Variants in CRB1 observed in about 807,000 individuals in gnomAD.
The protein encoded by CRB1 is crumbs cell polarity complex component 1.
A neutral mutation model predicts 120.0 loss-of-function variants in CRB1; 83 were observed. That is an observed-to-expected ratio of 0.69 (90% CI 0.58 to 0.83). CRB1 has a LOEUF of 0.83. CRB1 is among the 40% of genes least tolerant of loss of function. CRB1 has a pLI of 0.00. For synonymous variants in CRB1, 625 were observed against 612.5 expected, an observed-to-expected ratio of 1.02 and a Z score of -0.30; for missense variants, 1,699 against 1,687.6, an observed-to-expected ratio of 1.01 and a Z score of -0.12.
chr1:197,235,601 T>C, the CRB1 span, among the ~76,000 whole-genome samples: 1 of 152,124 alleles, frequency 6.6e-6, no homozygotes, highest in Non-Finnish European at 1.5e-5. Flanking sequence ...TAATCAGCCA[T>C]CAGCGAAACC....
the CRB1 span, among the ~76,000 whole-genome samples, chr1:197,205,330 C>T: frequency 6.6e-6 from 1 of 152,068 alleles, no homozygotes; most frequent in African/African-American, 2.4e-5. Flanking sequence ...TGTTCCAGTT[C>T]TCAGGGGGAA....
chr1:197,399,120 A>G (rs1169021012), intron 5 of CRB1, among the ~76,000 whole-genome samples: 1 of 152,034 alleles, frequency 6.6e-6, no homozygotes, highest in East Asian at 1.9e-4. Context: ...GATGCCATCT[A>G]CTTGAGGAAA....
At chr1:197,342,446 A>G (rs1405687413) in intron 2 of CRB1, among the ~76,000 whole-genome samples, 1 of 152,026 alleles carries the variant, frequency 6.6e-6, no homozygotes, top group South Asian at 2.1e-4. Flanking sequence ...GGAAAGCCCC[A>G]TTTTCTACCT....
At chr1:197,286,104 A>G (rs976896848) in intron 1 of CRB1, among the ~76,000 whole-genome samples, 2 of 151,866 alleles carry the variant, frequency 1.3e-5, no homozygotes, top group African/African-American at 4.8e-5. Flanking sequence ...TAAAGGAAGG[A>G]AAAGCTAATT....
At chr1:197,463,581 G>A (rs1001588331) in intron 11 of CRB1, among the ~76,000 whole-genome samples, 3 of 152,144 alleles carry the variant, frequency 2.0e-5, no homozygotes, top group Non-Finnish European at 4.4e-5. Context: ...GCAGCTGTGC[G>A]TAATTAAACA....
At chr1:197,342,027 G>A (rs1231128118) in intron 2 of CRB1, among the ~76,000 whole-genome samples, 2 of 152,132 alleles carry the variant, frequency 1.3e-5, no homozygotes, top group Non-Finnish European at 2.9e-5. Flanking sequence ...CAAACAGTCT[G>A]GTATGACATA....
In CRB1 at chr1:197,453,793, A is replaced by C. The variant is rs531999543; in HGVS notation, c.4005+11501A>C. On this transcript the variant is annotated intron_variant, in intron 11 of 11. Transcript: ENST00000367400. ...TCTTATTATTATTATTATATTATTAATATATTAATAATAATATATTGTTAA... is the reference window on the plus strand; with the variant it reads ...TCTTATTATTATTATTATATTATTACTATATTAATAATAATATATTGTTAA... 4.2e-4 allele frequency among the ~76,000 whole-genome samples: 60 copies of C among 143,144 alleles called. No individual in the cohort carries two copies. The South Asian group carries it at 9.7e-3, about 23-fold the overall frequency. The allele number at this position is 143,144 out of a possible 152,430, so 93.9% of individuals were successfully genotyped here.
At chr1:197,358,769 T>A (rs1660618388) in intron 5 of CRB1, among the ~76,000 whole-genome samples, 1 of 148,468 alleles carries the variant, frequency 6.7e-6, no homozygotes, top group East Asian at 2.0e-4. Context: ...CCACTACAAG[T>A]AATGAATATC....
intron 11 of CRB1, among the ~76,000 whole-genome samples, chr1:197,460,017 T>TTTTTC (rs1387069070): frequency 6.8e-6 from 1 of 147,734 alleles, no homozygotes; most frequent in African/African-American, 2.5e-5. Context: ...TTTTTTTTTT[T>TTTTTC]TTTTTTACTT....
intron 5 of CRB1, among the ~76,000 whole-genome samples, chr1:197,398,101 A>C (rs773865748): frequency 6.6e-6 from 1 of 152,148 alleles, no homozygotes; most frequent in Admixed American, 6.6e-5. Context: ...GTCAGCAAAA[A>C]CATTCTGATT....
chr1:197,365,626 C>CTTCTTTT (rs1247162027), intron 5 of CRB1, among the ~76,000 whole-genome samples: 16 of 121,886 alleles, frequency 1.3e-4, no homozygotes, highest in Non-Finnish European at 2.3e-4. Context: ...TCTTCTTCTT[C>CTTCTTTT]TTTTTTTTTT....
At chr1:197,223,803 G>A in the CRB1 span, among the ~76,000 whole-genome samples, 1 of 152,134 alleles carries the variant, frequency 6.6e-6, no homozygotes, top group Non-Finnish European at 1.5e-5. Context: ...GATTGACAGA[G>A]GATGGCTGTT....
chr1:197,216,092 A>G, the CRB1 span, among the ~76,000 whole-genome samples: 4 of 152,288 alleles, frequency 2.6e-5, no homozygotes, highest in Admixed American at 2.0e-4. Flanking sequence ...GGCCTTCTGA[A>G]TGTAGAGTTT....
chr1:197,211,841 A>G, the CRB1 span, among the ~76,000 whole-genome samples: 1 of 152,168 alleles, frequency 6.6e-6, no homozygotes, highest in Non-Finnish European at 1.5e-5. Flanking sequence ...TAAGAAAATA[A>G]AAAAGCAGGC....
chr1:197,291,819 G>A (rs1274519055), intron 1 of CRB1, among the ~76,000 whole-genome samples: 2 of 151,782 alleles, frequency 1.3e-5, no homozygotes, highest in African/African-American at 4.8e-5. Flanking sequence ...AATGCTCTTT[G>A]CTTTCCCATC....
At chr1:197,430,487 T>C (rs758902888) in intron 8 of CRB1, among the ~76,000 whole-genome samples, 1 of 151,886 alleles carries the variant, frequency 6.6e-6, no homozygotes, top group African/African-American at 2.4e-5. Context: ...GAATAGGGAG[T>C]AAAAAACCCT....
At chr1:197,338,797 A>T (rs1659296467) in intron 2 of CRB1, among the ~76,000 whole-genome samples, 1 of 152,238 alleles carries the variant, frequency 6.6e-6, no homozygotes. Context: ...AAGCATTAAT[A>T]ATATTTATAA....
At chr1:197,202,983 CTGTGTGTG>C in the CRB1 span, among the ~76,000 whole-genome samples, 10 of 139,310 alleles carry the variant, frequency 7.2e-5, no homozygotes, top group East Asian at 1.8e-3. Flanking sequence ...GTGTGTGTGT[CTGTGTGTG>C]TGTGTGTGAC....
At chr1:197,297,192 C>T (rs1423004596) in intron 1 of CRB1, among the ~76,000 whole-genome samples, 1 of 151,930 alleles carries the variant, frequency 6.6e-6, no homozygotes, top group African/African-American at 2.4e-5. Flanking sequence ...AATCTCAATT[C>T]TGTCCCGTGT....
Sources: allele counts gnomAD v4.1 joint callset (sites outside exome capture counted in the v4.1 genomes callset), GRCh38; gene constraint gnomAD v4.1.1; transcripts MANE v1.5; gene names NCBI Gene and HGNC (gene_info 2026-07-23, HGNC 2026-07-21).